Variants in PRKN observed in about 807,000 individuals in gnomAD.
The protein encoded by PRKN is parkin RBR E3 ubiquitin protein ligase.
A neutral mutation model predicts 59.5 loss-of-function variants in PRKN; 56 were observed. The ratio of observed to expected loss-of-function variants is 0.94; its 90% CI spans 0.76 to 1.18. PRKN has a LOEUF of 1.18. PRKN is among the 50% of genes most tolerant of loss of function. The probability of loss-of-function intolerance (pLI) is 0.00; values close to 1 mark genes in which losing one functional copy is unlikely to be tolerated. For synonymous variants in PRKN, 250 were observed against 222.1 expected (o/e 1.13, Z -1.12); for missense variants, 657 against 596.4 (o/e 1.10, Z -1.06).
intron 4 of PRKN, among the ~76,000 whole-genome samples, chr6:162,145,836 C>T (rs61406550): frequency 2.4e-3 from 364 of 152,164 alleles, no homozygotes; most frequent in African/African-American, 8.2e-3. Context: ...TGATGGGCGG[C>T]GAAAAGCAAC....
At chr6:162,430,252 A>C (rs1789451559) in intron 2 of PRKN, among the ~76,000 whole-genome samples, 2 of 152,256 alleles carry the variant, frequency 1.3e-5, no homozygotes, top group Admixed American at 6.5e-5. Context: ...CACTCTTGTA[A>C]GTATTTCTGT....
intron 6 of PRKN, among the ~76,000 whole-genome samples, chr6:161,856,874 C>T (rs553286864): frequency 1.3e-5 from 2 of 152,202 alleles, no homozygotes; most frequent in African/African-American, 4.8e-5. Context: ...AAAAATATTT[C>T]TTCCTAGAGG....
rs913248213 is a variant in PRKN, at chr6:162,056,416, G to A, written c.535-2242C>T. Among the ~76,000 whole-genome samples the A allele has an allele frequency of 6.6e-6, 1 of 152,048 alleles. No individual in the cohort carries two copies. Among genetic ancestry groups the A allele is most frequent in the African/African-American group, 2.4e-5 (1 of 41,408 alleles). On this transcript the variant is annotated intron_variant, in intron 4 of 11. Transcript: ENST00000366898. This position sits in a 1 kb window ranked among gnomAD's most constrained non-coding sequence, Gnocchi z 4.9. ...ACGCACTATTCTAGAGAAAAGTCGG[G>A]GACGCAGAGCAGTTCTCCAGGCCTG...
At chr6:162,020,556 A>T (rs1485537484) in intron 5 of PRKN, among the ~76,000 whole-genome samples, 1 of 152,146 alleles carries the variant, frequency 6.6e-6, no homozygotes, top group Admixed American at 6.5e-5. Context: ...ATTTCAAAGC[A>T]GTTGGTAAGG....
At chr6:162,570,960 G>A (rs1379251913) in intron 1 of PRKN, among the ~76,000 whole-genome samples, 3 of 152,114 alleles carry the variant, frequency 2.0e-5, no homozygotes, top group Admixed American at 1.3e-4. Flanking sequence ...GTAACTCAAA[G>A]GATAAATGCT....
At chr6:161,756,951 A>G (rs1788952930) in intron 7 of PRKN, among the ~76,000 whole-genome samples, 1 of 152,224 alleles carries the variant, frequency 6.6e-6, no homozygotes, top group African/African-American at 2.4e-5. Context: ...TACATGGCCA[A>G]CTGACTTTCA....
intron 5 of PRKN, among the ~76,000 whole-genome samples, chr6:162,040,384 G>A (rs1173115237): frequency 6.6e-6 from 1 of 151,558 alleles, no homozygotes; most frequent in Non-Finnish European, 1.5e-5. Flanking sequence ...ACCTAGGTCT[G>A]TGGGGAGGGA....
intron 4 of PRKN, among the ~76,000 whole-genome samples, chr6:162,120,904 T>TA (rs1478238040): frequency 6.6e-6 from 1 of 152,218 alleles, no homozygotes; most frequent in Admixed American, 6.5e-5. Context: ...CAGTTGGACT[T>TA]AGAGAATAAT....
At chr6:161,774,648 G>C (rs1005086041) in intron 7 of PRKN, among the ~76,000 whole-genome samples, 2 of 152,172 alleles carry the variant, frequency 1.3e-5, no homozygotes, top group African/African-American at 4.8e-5. Context: ...ATTCGGGTCT[G>C]GGTCCCTGGA....
intron 1 of PRKN, among the ~76,000 whole-genome samples, chr6:162,555,613 G>GT (rs2128204864): frequency 6.8e-6 from 1 of 146,936 alleles, no homozygotes; most frequent in South Asian, 2.2e-4. Context: ...TGATGTCAGC[G>GT]TTACACTGTG....
At chr6:162,396,726 T>C (rs1787495019) in intron 2 of PRKN, among the ~76,000 whole-genome samples, 1 of 152,134 alleles carries the variant, frequency 6.6e-6, no homozygotes, top group South Asian at 2.1e-4. Context: ...AAGATCGATA[T>C]AAATTAATCA....
intron 2 of PRKN, among the ~76,000 whole-genome samples, chr6:162,302,368 A>C (rs1465069218): frequency 1.3e-5 from 2 of 152,176 alleles, no homozygotes; most frequent in Admixed American, 6.5e-5. Flanking sequence ...GGATTAACCT[A>C]AGTTAGACTT....
intron 2 of PRKN, among the ~76,000 whole-genome samples, chr6:162,357,258 G>C (rs1784913024): frequency 6.6e-6 from 1 of 152,096 alleles, no homozygotes; most frequent in South Asian, 2.1e-4. Context: ...GATATACAAA[G>C]AAGTCTTGCA....
chr6:161,417,616 A>G lies in PRKN; in HGVS notation c.1084-30739T>C, dbSNP rs932278216. On this transcript the variant is annotated intron_variant, in intron 9 of 11. Transcript: ENST00000366898. The surrounding 1 kb of genome is among the most constrained non-coding windows in gnomAD (Gnocchi z 5.4). ...AAAAACTCACGGGGCTGGGGGTTAC[A>G]TCTATTGTTTCCTGTAATTGTCACA... Among the ~76,000 whole-genome samples, 4 of 152,114 alleles carry G rather than the reference A, an allele frequency of 2.6e-5. No individual in the cohort carries two copies. Among genetic ancestry groups the G allele is most frequent in the Non-Finnish European group, 5.9e-5 (4 of 68,022 alleles).
chr6:162,300,133 A>C (rs77000927), intron 2 of PRKN, among the ~76,000 whole-genome samples: 8,836 of 152,274 alleles, frequency 0.058, 338 homozygotes, highest in Middle Eastern at 0.14. Context: ...TGGATAATAC[A>C]ACAGTGCTAT....
At chr6:162,618,013 C>A (rs2846530) in intron 1 of PRKN, among the ~76,000 whole-genome samples, 38 of 151,858 alleles carry the variant, frequency 2.5e-4, no homozygotes, top group Admixed American at 7.9e-4. Flanking sequence ...TTTCCCAGGA[C>A]GGCAGCTGAT....
At chr6:161,769,476 T>C (rs1235468042) in intron 7 of PRKN, among the ~76,000 whole-genome samples, 2 of 152,144 alleles carry the variant, frequency 1.3e-5, no homozygotes, top group African/African-American at 4.8e-5. Context: ...AGCCTACTCC[T>C]TGGAAGCTGG....
At chr6:162,223,425 T>C (rs1778020820) in intron 3 of PRKN, among the ~76,000 whole-genome samples, 1 of 152,060 alleles carries the variant, frequency 6.6e-6, no homozygotes, top group South Asian at 2.1e-4. Context: ...CTAATAGCAC[T>C]ATTAGTAGCA....
intron 3 of PRKN, among the ~76,000 whole-genome samples, chr6:162,203,379 A>G (rs1418562635): frequency 6.6e-6 from 1 of 152,026 alleles, no homozygotes; most frequent in African/African-American, 2.4e-5. Flanking sequence ...CAGCCAGTCT[A>G]AGGAAGATCA....
Sources: gnomAD v4.1 joint callset for allele counts (sites outside exome capture counted in the v4.1 genomes callset) on GRCh38, gnomAD v4.1.1 for gene constraint, Gnocchi (gnomAD v3.1) non-coding constraint, MANE v1.5 for transcripts, NCBI Gene and HGNC (gene_info 2026-07-23, HGNC 2026-07-21) for gene names.